EYS: variants seen among roughly 807,000 people sequenced by gnomAD.
EYS encodes the protein EGF-like photoreceptor maintenance factor.
In EYS, 250 loss-of-function variants were observed where a neutral mutation model predicts 282.1. The observed-to-expected ratio is 0.89, with a 90% CI of 0.80 to 0.98. The LOEUF (loss-of-function observed/expected upper bound fraction) is 0.98. Among genes scored for constraint, EYS ranks in the 50% least tolerant of loss-of-function variants. The pLI, the probability that EYS is intolerant of heterozygous loss-of-function variation, is 0.00. For missense variants in EYS, 4,016 were observed against 3,709.0 expected, an observed-to-expected ratio of 1.08 and a Z score of -2.15; for synonymous variants, 1,355 against 1,282.9, an observed-to-expected ratio of 1.06 and a Z score of -1.20.
At chr6:64,751,218 T>C (rs919720814) in intron 22 of EYS, among the ~76,000 whole-genome samples, 1 of 152,138 alleles carries the variant, frequency 6.6e-6, no homozygotes, top group African/African-American at 2.4e-5. Flanking sequence ...TATGGCACAT[T>C]TGCTCCCCTG....
intron 30 of EYS, among the ~76,000 whole-genome samples, chr6:64,278,553 G>A (rs891387051): frequency 3.3e-5 from 5 of 152,024 alleles, no homozygotes; most frequent in African/African-American, 9.7e-5. Context: ...CTGTAATTAG[G>A]AACCCTAAAA....
chr6:65,293,170 C>T (rs912209865), intron 12 of EYS, among the ~76,000 whole-genome samples: 1 of 150,526 alleles, frequency 6.6e-6, no homozygotes, highest in African/African-American at 2.4e-5. Flanking sequence ...TCAAGAAGGA[C>T]GATAAACTTG....
intron 33 of EYS, among the ~76,000 whole-genome samples, chr6:64,014,194 T>C (rs1253920415): frequency 6.6e-6 from 1 of 152,020 alleles, no homozygotes; most frequent in African/African-American, 2.4e-5. Context: ...AACAAGCAGA[T>C]CACTTTACCA....
intron 30 of EYS, among the ~76,000 whole-genome samples, chr6:64,245,570 T>G (rs370713557): frequency 5.3e-5 from 8 of 152,164 alleles, no homozygotes; most frequent in African/African-American, 1.9e-4. Flanking sequence ...TTAAAAAAAT[T>G]CTGTATCTGA....
At chr6:64,617,328 C>T (rs1767305676) in intron 24 of EYS, 90 bp downstream of exon 24, 2 of 842,880 alleles carry the variant, frequency 2.4e-6, no homozygotes, top group East Asian at 2.7e-5. Flanking sequence ...ACTACTCCGA[C>T]CTTATTTTTC....
At chr6:64,700,492 C>T (rs1252556820) in intron 22 of EYS, among the ~76,000 whole-genome samples, 1 of 151,952 alleles carries the variant, frequency 6.6e-6, no homozygotes, top group Non-Finnish European at 1.5e-5. Context: ...GCTAAAGACT[C>T]CTGCAAAAGC....
chr6:63,974,799 T>C (rs553484217), intron 35 of EYS, among the ~76,000 whole-genome samples: 6 of 152,002 alleles, frequency 3.9e-5, no homozygotes, highest in Non-Finnish European at 8.8e-5. Context: ...ACAACACTTA[T>C]TTGCCGAAGA....
intron 41 of EYS, among the ~76,000 whole-genome samples, chr6:63,754,553 G>C (rs539281266): frequency 1.3e-5 from 2 of 152,264 alleles, no homozygotes; most frequent in Admixed American, 6.5e-5. Flanking sequence ...AGTATTCCAT[G>C]GCATATATGT....
At chr6:65,123,539 G>T (rs539450298) in intron 12 of EYS, among the ~76,000 whole-genome samples, 1 of 152,266 alleles carries the variant, frequency 6.6e-6, no homozygotes, top group African/African-American at 2.4e-5. Flanking sequence ...AAGACAGTTT[G>T]TGATAGGAAT....
At chr6:64,435,312 T>A (rs1006609890) in intron 28 of EYS, among the ~76,000 whole-genome samples, 2 of 151,994 alleles carry the variant, frequency 1.3e-5, no homozygotes, top group African/African-American at 4.8e-5. Flanking sequence ...TTTTGGTCAA[T>A]CATTTGTAAG....
intron 12 of EYS, among the ~76,000 whole-genome samples, chr6:65,106,262 A>T (rs1216308251): frequency 6.6e-6 from 1 of 151,970 alleles, no homozygotes; most frequent in Non-Finnish European, 1.5e-5. Context: ...ACTTCCTTTC[A>T]ATAGACACAA....
chr6:65,060,845 T>G (rs1171430544), intron 12 of EYS, among the ~76,000 whole-genome samples: 1 of 150,810 alleles, frequency 6.6e-6, no homozygotes, highest in Non-Finnish European at 1.5e-5. Flanking sequence ...AATGTATGCT[T>G]ATGAAAATAT....
intron 2 of EYS, among the ~76,000 whole-genome samples, chr6:65,527,327 G>T (rs1271737052): frequency 1.3e-5 from 2 of 152,036 alleles, no homozygotes; most frequent in Admixed American, 1.3e-4. Flanking sequence ...AATATACTGG[G>T]GTATGACTCA....
chr6:64,697,596 A>C (rs1770626461), intron 22 of EYS, among the ~76,000 whole-genome samples: 1 of 152,194 alleles, frequency 6.6e-6, no homozygotes, highest in Non-Finnish European at 1.5e-5. Flanking sequence ...CATTGTCCTC[A>C]GTGCATGGAA....
chr6:63,985,886 C>A (rs977829240), intron 34 of EYS, among the ~76,000 whole-genome samples: 3 of 151,818 alleles, frequency 2.0e-5, no homozygotes, highest in African/African-American at 7.2e-5. Flanking sequence ...ATGACAAAGA[C>A]ACCAAAAGTA....
chr6:63,862,001 G>A (rs116548310), intron 36 of EYS, among the ~76,000 whole-genome samples: 125 of 152,284 alleles, frequency 8.2e-4, no homozygotes, highest in African/African-American at 2.8e-3. Flanking sequence ...TCTCCAAAAA[G>A]CCCAGCTTCT....
At chr6:64,851,629 G>A (rs1765888366) in intron 19 of EYS, among the ~76,000 whole-genome samples, 1 of 152,138 alleles carries the variant, frequency 6.6e-6, no homozygotes, top group South Asian at 2.1e-4. Flanking sequence ...AAAAAAGAAT[G>A]AGATCGTGTC....
intron 41 of EYS, among the ~76,000 whole-genome samples, chr6:63,755,239 G>T (rs1483201963): frequency 2.0e-5 from 3 of 151,926 alleles, no homozygotes; most frequent in African/African-American, 7.3e-5. Context: ...CATTGCTTTT[G>T]GTGTTTTAGT....
In EYS at chr6:63,762,616, C is replaced by A; in HGVS notation, c.7916G>T (p.Gly2639Val). The A allele has an allele frequency of 6.5e-7, 1 of 1,549,910 alleles. No homozygotes were observed. Among genetic ancestry groups the A allele is most frequent in the South Asian group, 1.2e-5 (1 of 83,900 alleles). Residue 2639 changes from glycine (G) to valine (V), a missense_variant, in exon 41 of 43, where the codon GGG (glycine) becomes GTG (valine). Gly to Val is a moderately radical substitution (Grantham distance 109). Transcript: ENST00000503581. ...CTCTGTGCAGAATGATCCTTTCCAC[C>A]CAGTGGTACAATTGCAGCTGTGGGT... ...GTSVYCNCTT[G>V]WKGSFCTETV... is the part of the protein sequence containing the mutation.
Sources: allele counts gnomAD v4.1 joint callset (sites outside exome capture counted in the v4.1 genomes callset), GRCh38; gene constraint gnomAD v4.1.1; transcripts MANE v1.5; gene names NCBI Gene and HGNC (gene_info 2026-07-23, HGNC 2026-07-21).